Variants in PCDH9 observed in about 807,000 individuals in gnomAD.
PCDH9 encodes protocadherin-9.
Under a neutral mutation model 70.6 loss-of-function variants are expected in PCDH9, and 24 were observed. The ratio of observed to expected loss-of-function variants is 0.34; its 90% CI spans 0.25 to 0.48. PCDH9 has a LOEUF of 0.48. Ranked by LOEUF, PCDH9 falls within the 20% of genes least tolerant of loss-of-function variation. The probability of loss-of-function intolerance (pLI) is 0.99; values close to 1 mark genes in which losing one functional copy is unlikely to be tolerated. For missense variants in PCDH9, 1,281 were observed against 1,503.6 expected (o/e 0.85, Z 2.45); for synonymous variants, 562 against 558.5 (o/e 1.01, Z -0.09).
intron 2 of PCDH9, among the ~76,000 whole-genome samples, chr13:67,003,258 G>A (rs1489725127): frequency 6.6e-6 from 1 of 151,888 alleles, no homozygotes; most frequent in Non-Finnish European, 1.5e-5. Context: ...TGTCAAAAGC[G>A]ACTTTACAAA....
At chr13:67,004,480 C>G (rs546032866) in intron 2 of PCDH9, among the ~76,000 whole-genome samples, 5 of 150,502 alleles carry the variant, frequency 3.3e-5, no homozygotes, top group African/African-American at 9.7e-5. Flanking sequence ...TCGCTTGAAC[C>G]CGGGAGGCAG....
rs559995710 is a variant in PCDH9 at position 66,978,935 on chromosome 13, A to G, written c.3037-75330T>C. 8.6e-5 allele frequency among the ~76,000 whole-genome samples: 13 copies of G among 151,824 alleles called. No individual in the cohort carries two copies. The South Asian group carries it at 2.7e-3, about 32-fold the overall frequency. On this transcript the variant is annotated intron_variant, in intron 2 of 4. Transcript: ENST00000377865. ...CATACAGTTACATAGATATATATGT[A>G]CTGTTATATAAAGTTATGAAGGCCA...
chr13:67,098,349 A>G (rs1205631755), intron 2 of PCDH9, among the ~76,000 whole-genome samples: 33 of 152,194 alleles, frequency 2.2e-4, no homozygotes, highest in Admixed American at 2.2e-3. Context: ...TTATACATCT[A>G]GAATTAAATA....
At chr13:66,501,409 C>T (rs1005327444) in intron 4 of PCDH9, among the ~76,000 whole-genome samples, 6 of 152,016 alleles carry the variant, frequency 3.9e-5, no homozygotes, top group Admixed American at 3.9e-4. Flanking sequence ...CAAATATTCT[C>T]CTGTGTCATA....
At chr13:67,160,584 T>G (rs933093599) in intron 2 of PCDH9, among the ~76,000 whole-genome samples, 1 of 152,130 alleles carries the variant, frequency 6.6e-6, no homozygotes, top group Non-Finnish European at 1.5e-5. Context: ...CTATTTTTTT[T>G]TTTTATTTTA....
chr13:67,218,921 A>G (rs780713640), intron 2 of PCDH9: 2 of 152,084 alleles, frequency 1.3e-5, no homozygotes, highest in African/African-American at 2.4e-5. Flanking sequence ...ACTCTAATCA[A>G]TCAAACTGTA....
intron 4 of PCDH9, among the ~76,000 whole-genome samples, chr13:66,584,959 C>T (rs1353813541): frequency 6.6e-5 from 10 of 151,908 alleles, no homozygotes; most frequent in Non-Finnish European, 1.2e-4. Flanking sequence ...GAAAGTGATA[C>T]GGTCATCCCA....
chr13:67,043,568 G>A (rs989389299), intron 2 of PCDH9, among the ~76,000 whole-genome samples: 3 of 152,076 alleles, frequency 2.0e-5, no homozygotes, highest in Non-Finnish European at 4.4e-5. Context: ...GGGCCAATGA[G>A]ATAAAAATAA....
At chr13:67,039,997 A>G (rs1375118974) in intron 2 of PCDH9, among the ~76,000 whole-genome samples, 1 of 152,072 alleles carries the variant, frequency 6.6e-6, no homozygotes, top group East Asian at 1.9e-4. Context: ...TGTGGAAAAA[A>G]GAAAAAAAAA....
intron 4 of PCDH9, among the ~76,000 whole-genome samples, chr13:66,412,268 T>C (rs1340929708): frequency 2.0e-5 from 3 of 152,122 alleles, no homozygotes; most frequent in Non-Finnish European, 4.4e-5. Context: ...CTCAAGCAAC[T>C]CTCCCACCTC....
intron 4 of PCDH9, among the ~76,000 whole-genome samples, chr13:66,319,339 C>G (rs1485554124): frequency 6.6e-6 from 1 of 152,002 alleles, no homozygotes; most frequent in African/African-American, 2.4e-5. Context: ...TAGCAAAGAG[C>G]CTTATAAAGC....
intron 2 of PCDH9, among the ~76,000 whole-genome samples, chr13:67,132,517 G>A (rs2087132799): frequency 6.6e-6 from 1 of 152,020 alleles, no homozygotes; most frequent in Admixed American, 6.6e-5. Flanking sequence ...TTTTCACCAT[G>A]TTTAAATCAA....
At chr13:66,910,126 T>C (rs1054273052) in intron 2 of PCDH9, among the ~76,000 whole-genome samples, 1 of 152,192 alleles carries the variant, frequency 6.6e-6, no homozygotes, top group East Asian at 1.9e-4. Flanking sequence ...AAGTCCTCTC[T>C]TCTCCCTCAA....
intron 4 of PCDH9, among the ~76,000 whole-genome samples, chr13:66,618,586 T>A (rs1284945904): frequency 1.3e-5 from 2 of 152,180 alleles, no homozygotes; most frequent in African/African-American, 4.8e-5. Flanking sequence ...AATTTTATTT[T>A]CTGTAATATA....
At chr13:66,508,129 A>T (rs569979959) in intron 4 of PCDH9, among the ~76,000 whole-genome samples, 2 of 152,330 alleles carry the variant, frequency 1.3e-5, no homozygotes, top group African/African-American at 2.4e-5. Flanking sequence ...AGCATTTAAA[A>T]CAGTTCCTGA....
At chr13:67,042,757 C>T (rs1319459459) in intron 2 of PCDH9, among the ~76,000 whole-genome samples, 3 of 152,022 alleles carry the variant, frequency 2.0e-5, no homozygotes, top group African/African-American at 4.8e-5. Context: ...CCAAGTGTCA[C>T]GGTTTGGCAG....
At chr13:66,471,433 A>G (rs1958617431) in intron 4 of PCDH9, among the ~76,000 whole-genome samples, 1 of 152,236 alleles carries the variant, frequency 6.6e-6, no homozygotes, top group South Asian at 2.1e-4. Flanking sequence ...CTGAAAAAAT[A>G]AAAGTTGAGA....
chr13:67,169,374 A>G (rs1166596450), intron 2 of PCDH9, among the ~76,000 whole-genome samples: 1 of 152,206 alleles, frequency 6.6e-6, no homozygotes, highest in East Asian at 1.9e-4. Flanking sequence ...AAAAATTAAG[A>G]ATTTAAACAC....
At chr13:67,072,468 C>T (rs568054006) in intron 2 of PCDH9, among the ~76,000 whole-genome samples, 39 of 152,178 alleles carry the variant, frequency 2.6e-4, no homozygotes, top group Non-Finnish European at 4.7e-4. Context: ...TTCCTTGGGC[C>T]TTTGGGTCTT....
Sources: allele counts gnomAD v4.1 joint callset (sites outside exome capture counted in the v4.1 genomes callset), GRCh38; gene constraint gnomAD v4.1.1; transcripts MANE v1.5; gene names NCBI Gene and HGNC (gene_info 2026-07-23, HGNC 2026-07-21).